TMEM248: variants seen among roughly 807,000 people sequenced by gnomAD.
TMEM248 encodes UPF0458 protein C7orf42.
A neutral mutation model predicts 30.3 loss-of-function variants in TMEM248; 9 were observed. The observed-to-expected ratio is 0.30, with a 90% CI of 0.18 to 0.52. The LOEUF (loss-of-function observed/expected upper bound fraction) is 0.52, where lower values mean the gene tolerates loss of function less well. Among genes scored for constraint, TMEM248 ranks in the 20% least tolerant of loss-of-function variants. The probability of loss-of-function intolerance (pLI) is 0.97; values close to 1 mark genes in which losing one functional copy is unlikely to be tolerated. For synonymous variants in TMEM248, 184 were observed against 154.4 expected (o/e 1.19, Z -1.42); for missense variants, 338 against 403.3 (o/e 0.84, Z 1.39).
chr7:66,955,431 G>A lies in TMEM248; in HGVS notation c.925-71G>A. 1.3e-6 allele frequency: 2 copies of A among 1,583,020 alleles called. 1 individual carries two copies. Among genetic ancestry groups the A allele is most frequent in the South Asian group, 2.2e-5 (2 of 89,840 alleles). ...TATGTGCAATTAGTGTGGCATCCTGGTCTTTGGGTAGGGGCTGAGTTACCT... is the reference window on the plus strand; with the variant it reads ...TATGTGCAATTAGTGTGGCATCCTGATCTTTGGGTAGGGGCTGAGTTACCT... On this transcript the variant is annotated intron_variant, in intron 6 of 6. Transcript: ENST00000341567.
chr7:66,945,341 T>G lies in TMEM248; in HGVS notation c.445+80T>G, dbSNP rs1792070547. The G allele has an allele frequency of 7.5e-6, 11 of 1,460,472 alleles. No homozygotes were observed. The Admixed American group carries it at 1.6e-4, about 22-fold the overall frequency. 90.5% of individuals were successfully genotyped at this position (1,460,472 alleles called of 1,614,324 possible). On this transcript the variant is annotated intron_variant, in intron 3 of 6. Coordinates refer to ENST00000341567, the MANE Select transcript of TMEM248 (RefSeq NM_017994.5). ...GAGGATGCACCGTGTATGTTTTTAC[T>G]GACTATATTGTACTAGATTGTAGTC...
intron 1 of TMEM248, among the ~76,000 whole-genome samples, chr7:66,929,624 A>T (rs544597360): frequency 1.3e-5 from 2 of 151,584 alleles, no homozygotes; most frequent in East Asian, 3.9e-4. Context: ...TTTATTAGAG[A>T]TGGGGTTTCA....
At chr7:66,934,659 C>T (rs187712762) in intron 1 of TMEM248, among the ~76,000 whole-genome samples, 391 of 152,134 alleles carry the variant, frequency 2.6e-3, no homozygotes, top group African/African-American at 8.9e-3. Flanking sequence ...ATTAGTTTTC[C>T]TTGAAGTGAA....
At chr7:66,940,534 G>T (rs775905160) in intron 1 of TMEM248, among the ~76,000 whole-genome samples, 5 of 152,218 alleles carry the variant, frequency 3.3e-5, no homozygotes, top group Non-Finnish European at 7.3e-5. Context: ...CAGATTCAGT[G>T]CAGTCCCTGT....
intron 1 of TMEM248, among the ~76,000 whole-genome samples, chr7:66,932,198 G>A (rs1584399633): frequency 6.6e-6 from 1 of 151,938 alleles, no homozygotes; most frequent in Non-Finnish European, 1.5e-5. Context: ...TGAAAACCGC[G>A]ATTCCTTTTG....
intron 6 of TMEM248, 137 bp downstream of exon 6, chr7:66,953,506 G>A: frequency 1.6e-6 from 2 of 1,237,198 alleles, no homozygotes. Context: ...GGTATCCGAG[G>A]AGGATTGGTT....
intron 4 of TMEM248, among the ~76,000 whole-genome samples, chr7:66,950,127 G>A (rs1238908328): frequency 6.6e-6 from 1 of 151,918 alleles, no homozygotes; most frequent in Non-Finnish European, 1.5e-5. Context: ...TTGAGAGGCT[G>A]AGGCAGGAGA....
In TMEM248 at chr7:66,950,110, C is replaced by T. The variant is rs531565561; in HGVS notation, c.597-842C>T. On this transcript the variant is annotated intron_variant, in intron 4 of 6. Coordinates refer to ENST00000341567, the MANE Select transcript of TMEM248 (RefSeq NM_017994.5). ...GCGCAATGGCTCACACCTGTAATCCCAGCTACTTGAGAGGCTGAGGCAGGA... is the reference window on the plus strand; with the variant it reads ...GCGCAATGGCTCACACCTGTAATCCTAGCTACTTGAGAGGCTGAGGCAGGA... 7.9e-5 allele frequency among the ~76,000 whole-genome samples: 12 copies of T among 151,942 alleles called. No individual in the cohort carries two copies. In the East Asian group the frequency reaches 2.3e-3, roughly 29 times the overall value.
rs941355317 is a variant in TMEM248, at chr7:66,956,546, A to G, written c.*1024A>G. 2.0e-5 allele frequency: 3 copies of G among 152,244 alleles called. No individual in the cohort carries two copies. Among genetic ancestry groups the G allele is most frequent in the African/African-American group, 7.2e-5 (3 of 41,456 alleles). The allele number at this position is 152,244 out of a possible 1,614,324, so 9.4% of individuals were successfully genotyped here. On this transcript the variant is annotated 3_prime_UTR_variant, in exon 7 of 7. Coordinates refer to ENST00000341567, the MANE Select transcript of TMEM248 (RefSeq NM_017994.5). ...TTTTGCTTTTATTTTCATGCTACTA[A>G]CATATCTTCAGAAGGAAATGGCAAC...
At chr7:66,925,166 G>GTACA (rs1400288261) in intron 1 of TMEM248, among the ~76,000 whole-genome samples, 1 of 150,682 alleles carries the variant, frequency 6.6e-6, no homozygotes, top group Admixed American at 6.6e-5. Context: ...GAGCACAGAT[G>GTACA]TACACCACCA....
intron 1 of TMEM248, among the ~76,000 whole-genome samples, chr7:66,936,492 C>T (rs901550935): frequency 3.3e-5 from 5 of 151,810 alleles, no homozygotes; most frequent in African/African-American, 1.2e-4. Flanking sequence ...CAATCTTCAT[C>T]AGGGATATCT....
chr7:66,951,500 G>A (rs1365260858), intron 5 of TMEM248, among the ~76,000 whole-genome samples: 2 of 152,094 alleles, frequency 1.3e-5, no homozygotes, highest in Non-Finnish European at 2.9e-5. Context: ...GTGTGAACAA[G>A]AAATAGTGCT....
rs58175273 is a variant in TMEM248, at chr7:66,945,244, A to G, written c.428A>G (p.His143Arg). The G allele has an allele frequency of 1.2e-4, 192 of 1,613,490 alleles. No homozygotes were observed. In the East Asian group the frequency reaches 3.8e-3, roughly 32 times the overall value. The change falls in exon 3 of 7, where the codon CAT becomes CGT. Residue 143 changes from histidine to arginine, a missense_variant. By Grantham distance (29) the His-to-Arg change is conservative. Transcript: ENST00000341567. ...CATCTGTACTCAACCATCTTAGGGC[A>G]TCAGATTGGACTTTCAGGTATGCAG... ...VTHLYSTILG[H>R]QIGLSGREAH...
At chr7:66,947,237 A>G (rs1464189407) in intron 3 of TMEM248, among the ~76,000 whole-genome samples, 2 of 148,712 alleles carry the variant, frequency 1.3e-5, no homozygotes, top group Non-Finnish European at 3.0e-5. Context: ...AAAAAAAAAC[A>G]AGAAACAAAT....
chr7:66,946,259 C>G (rs1008427292), intron 3 of TMEM248, among the ~76,000 whole-genome samples: 1 of 151,482 alleles, frequency 6.6e-6, no homozygotes, highest in Non-Finnish European at 1.5e-5. Context: ...GAGACTCCAT[C>G]TCAAAAAAAG....
intron 1 of TMEM248, among the ~76,000 whole-genome samples, chr7:66,935,715 A>T (rs561180270): frequency 1.3e-4 from 20 of 150,738 alleles, no homozygotes; most frequent in African/African-American, 4.6e-4. Context: ...GCTAATTTTT[A>T]TTTTTTTTAG....
At chr7:66,951,542 T>G (rs1001198401) in intron 5 of TMEM248, among the ~76,000 whole-genome samples, 1 of 151,736 alleles carries the variant, frequency 6.6e-6, no homozygotes, top group Non-Finnish European at 1.5e-5. Flanking sequence ...AAGGGAGTAG[T>G]AGGAGGAGAT....
chr7:66,956,092 TG>T lies in TMEM248; in HGVS notation c.*571del, dbSNP rs1403772166. On this transcript the variant is annotated 3_prime_UTR_variant, in exon 7 of 7. Transcript: ENST00000341567. ...CCTTAAGTTTTTTTTGTTTTGTTTT[TG>T]TTTTTTTGTTTTTTGTTTTCCTTTA... 3.3e-5 allele frequency: 5 copies of T among 152,718 alleles called. No individual in the cohort carries two copies. Among genetic ancestry groups the T allele is most frequent in the African/African-American group, 1.2e-4 (5 of 41,464 alleles). 9.5% of individuals were successfully genotyped at this position (152,718 alleles called of 1,614,324 possible). A position where few individuals can be genotyped will look rare whatever the true frequency, so the allele number is the denominator to read the frequency against.
chr7:66,939,643 G>T (rs1791895211), intron 1 of TMEM248, among the ~76,000 whole-genome samples: 1 of 152,240 alleles, frequency 6.6e-6, no homozygotes, highest in Admixed American at 6.5e-5. Flanking sequence ...CTGTGAACAA[G>T]ACAGGCAAAA....
Sources: allele counts gnomAD v4.1 joint callset (sites outside exome capture counted in the v4.1 genomes callset), GRCh38; gene constraint gnomAD v4.1.1; transcripts MANE v1.5; gene names NCBI Gene and HGNC (gene_info 2026-07-23, HGNC 2026-07-21).